Variants in DPP10 observed in about 807,000 individuals in gnomAD.
DPP10 encodes inactive dipeptidyl peptidase 10.
In DPP10, 33 loss-of-function variants were observed where a neutral mutation model predicts 120.9. That is an observed-to-expected ratio of 0.27 (90% confidence interval 0.21 to 0.37). The LOEUF (loss-of-function observed/expected upper bound fraction) is 0.37, where lower values mean the gene tolerates loss of function less well. Among genes scored for constraint, DPP10 ranks in the 10% least tolerant of loss-of-function variants. The probability of loss-of-function intolerance (pLI) is 1.00; values close to 1 mark genes in which losing one functional copy is unlikely to be tolerated. For synonymous variants in DPP10, 337 were observed against 326.1 expected, an observed-to-expected ratio of 1.03 and a Z score of -0.36; for missense variants, 816 against 942.8, an observed-to-expected ratio of 0.87 and a Z score of 1.76.
chr2:114,778,402 C>T (rs899436823), intron 1 of DPP10, among the ~76,000 whole-genome samples: 7 of 152,062 alleles, frequency 4.6e-5, no homozygotes, highest in South Asian at 2.1e-4. Flanking sequence ...AGTCCTATAA[C>T]GTTAGCCACA....
At chr2:115,517,529 T>C (rs978080858) in intron 4 of DPP10, among the ~76,000 whole-genome samples, 1 of 152,198 alleles carries the variant, frequency 6.6e-6, no homozygotes, top group African/African-American at 2.4e-5. Context: ...TTCATGCATA[T>C]TTGCATTTAA....
intron 1 of DPP10, among the ~76,000 whole-genome samples, chr2:115,079,773 T>A (rs1708113803): frequency 6.6e-6 from 1 of 152,172 alleles, no homozygotes; most frequent in Admixed American, 6.5e-5. Context: ...CACATCATGA[T>A]GAGTGACTGC....
intron 3 of DPP10, among the ~76,000 whole-genome samples, chr2:115,473,407 G>T (rs2074861085): frequency 6.6e-6 from 1 of 152,180 alleles, no homozygotes; most frequent in Non-Finnish European, 1.5e-5. Context: ...AATGAAAGAA[G>T]ATTCCCTTGA....
chr2:114,929,788 C>G (rs1045964734), intron 1 of DPP10, among the ~76,000 whole-genome samples: 2 of 152,178 alleles, frequency 1.3e-5, no homozygotes, highest in African/African-American at 4.8e-5. Flanking sequence ...AAAGTAAAGA[C>G]AGCCATAGGA....
At chr2:115,267,820 G>T (rs2059523620) in intron 1 of DPP10, among the ~76,000 whole-genome samples, 1 of 152,008 alleles carries the variant, frequency 6.6e-6, no homozygotes, top group South Asian at 2.1e-4. Context: ...CCCCATATTT[G>T]CCATAGATTG....
chr2:115,246,005 T>C (rs1276123694), intron 1 of DPP10, among the ~76,000 whole-genome samples: 1 of 152,112 alleles, frequency 6.6e-6, no homozygotes, highest in Non-Finnish European at 1.5e-5. Context: ...AAGTTGTGCT[T>C]ATATGTGATG....
intron 1 of DPP10, among the ~76,000 whole-genome samples, chr2:115,058,222 C>A (rs1002057839): frequency 2.2e-5 from 3 of 139,304 alleles, no homozygotes; most frequent in Admixed American, 7.8e-5. Flanking sequence ...ATTTGTCAGC[C>A]TTTCTTCTAC....
At chr2:115,214,387 G>C (rs919130463) in intron 1 of DPP10, among the ~76,000 whole-genome samples, 1 of 152,164 alleles carries the variant, frequency 6.6e-6, no homozygotes, top group Non-Finnish European at 1.5e-5. Context: ...CCAAGTCTAA[G>C]CATTAGGTTC....
At chr2:115,145,984 A>G (rs778516956) in intron 1 of DPP10, among the ~76,000 whole-genome samples, 8 of 152,078 alleles carry the variant, frequency 5.3e-5, no homozygotes, top group Middle Eastern at 3.2e-3. Flanking sequence ...AAAACTTTCT[A>G]TGTACTAGGC....
At chr2:115,430,305 C>T (rs1371747733) in intron 3 of DPP10, among the ~76,000 whole-genome samples, 1 of 152,046 alleles carries the variant, frequency 6.6e-6, no homozygotes, top group Non-Finnish European at 1.5e-5. Context: ...ACAATGCTGC[C>T]AGATCCACCG....
chr2:115,838,477 C>A (rs987175742), intron 24 of DPP10, among the ~76,000 whole-genome samples: 5 of 152,214 alleles, frequency 3.3e-5, no homozygotes, highest in East Asian at 3.9e-4. Flanking sequence ...AGAGTAGACA[C>A]AATTGATTAG....
intron 1 of DPP10, among the ~76,000 whole-genome samples, chr2:115,134,798 C>T (rs533654941): frequency 2.0e-5 from 3 of 152,108 alleles, no homozygotes; most frequent in Admixed American, 1.3e-4. Context: ...TATTATATTA[C>T]GTTTTGCTAT....
At chr2:114,734,180 C>A (rs1677199158) in intron 1 of DPP10, among the ~76,000 whole-genome samples, 1 of 152,126 alleles carries the variant, frequency 6.6e-6, no homozygotes, top group African/African-American at 2.4e-5. Flanking sequence ...TGGGAAAAAC[C>A]CACATTCTAT....
chr2:115,372,188 T>A (rs893748653), intron 3 of DPP10, among the ~76,000 whole-genome samples: 1 of 152,166 alleles, frequency 6.6e-6, no homozygotes, highest in Non-Finnish European at 1.5e-5. Flanking sequence ...AAAGAAATAT[T>A]ATTCTCAATA....
intron 1 of DPP10, among the ~76,000 whole-genome samples, chr2:114,906,393 A>G (rs1002472571): frequency 1.3e-5 from 2 of 151,922 alleles, no homozygotes; most frequent in Non-Finnish European, 2.9e-5. Flanking sequence ...AAAAAAAAAA[A>G]AAAAGAAAAA....
In DPP10 at chr2:115,845,758, G is replaced by A. The variant is rs1455696870; in HGVS notation, c.*3413G>A. The A allele has an allele frequency of 2.0e-5, 3 of 152,082 alleles. No individual in the cohort carries two copies. The highest frequency in any genetic ancestry group is 4.4e-5 in the Non-Finnish European group (3 of 68,014). The allele number at this position is 152,082 out of a possible 1,614,324, so 9.4% of individuals were successfully genotyped here. A position where few individuals can be genotyped will look rare whatever the true frequency, so the allele number is the denominator to read the frequency against. ...AAATCAGTGGTTTATTTTCAGGTTC[G>A]AATAAACTCTTTCTAATGAAAATGT... On this transcript the variant is annotated 3_prime_UTR_variant, in exon 26 of 26. Coordinates refer to ENST00000410059, the MANE Select transcript of DPP10 (RefSeq NM_020868.6).
intron 5 of DPP10, among the ~76,000 whole-genome samples, chr2:115,676,467 AT>A (rs2090267897): frequency 6.6e-6 from 1 of 152,238 alleles, no homozygotes; most frequent in African/African-American, 2.4e-5. Flanking sequence ...ACCAAAAAAA[AT>A]ATGATTTAGA....
intron 11 of DPP10, among the ~76,000 whole-genome samples, chr2:115,760,322 A>G (rs377718662): frequency 6.6e-6 from 1 of 152,228 alleles, no homozygotes; most frequent in Non-Finnish European, 1.5e-5. Flanking sequence ...TACAGAGTAC[A>G]TAATAGGTAT....
At chr2:115,544,974 A>G (rs911425128) in intron 5 of DPP10, among the ~76,000 whole-genome samples, 5 of 152,054 alleles carry the variant, frequency 3.3e-5, no homozygotes, top group Non-Finnish European at 5.9e-5. Flanking sequence ...GGGTTAAAGA[A>G]GGTTTTCTGG....
Sources: allele counts gnomAD v4.1 joint callset (sites outside exome capture counted in the v4.1 genomes callset), GRCh38; gene constraint gnomAD v4.1.1; transcripts MANE v1.5; gene names NCBI Gene and HGNC (gene_info 2026-07-23, HGNC 2026-07-21).